AKR1C8: variants seen among roughly 807,000 people sequenced by gnomAD.
AKR1C8 encodes aldo-keto reductase family 1 member C8.
At chr10:5,119,716 G>A in the AKR1C8 span, among the ~76,000 whole-genome samples, 11 of 152,140 alleles carry the variant, frequency 7.2e-5, no homozygotes, top group African/African-American at 2.7e-4. Flanking sequence ...TCTCCAAGAT[G>A]CCTAAAAGGA....
chr10:5,141,208 G>C, the AKR1C8 span, among the ~76,000 whole-genome samples: 1 of 152,088 alleles, frequency 6.6e-6, no homozygotes, highest in Non-Finnish European at 1.5e-5. Flanking sequence ...ACAACTTTTT[G>C]TGCATTCATA....
chr10:5,174,813 TTAAA>T, the AKR1C8 span, among the ~76,000 whole-genome samples: 2 of 151,930 alleles, frequency 1.3e-5, no homozygotes, highest in Non-Finnish European at 1.5e-5. Flanking sequence ...AAAGACTGTC[TTAAA>T]TAAAATAAAA....
At chr10:5,139,420 C>A in the AKR1C8 span, among the ~76,000 whole-genome samples, 20 of 152,250 alleles carry the variant, frequency 1.3e-4, no homozygotes, top group African/African-American at 4.8e-4. Flanking sequence ...GCTACAGTAA[C>A]CAAAACAACA....
the AKR1C8 span, among the ~76,000 whole-genome samples, chr10:5,176,262 A>C: frequency 8.2e-6 from 1 of 122,668 alleles, no homozygotes; most frequent in Non-Finnish European, 1.9e-5. Flanking sequence ...TGTTTTTCTC[A>C]GGTTTGTCAA....
the AKR1C8 span, among the ~76,000 whole-genome samples, chr10:5,174,723 A>T: frequency 1.3e-5 from 2 of 152,052 alleles, no homozygotes; most frequent in East Asian, 3.8e-4. Context: ...ATTTACATAC[A>T]AACTATGTAA....
At chr10:5,130,237 C>T in the AKR1C8 span, among the ~76,000 whole-genome samples, 1 of 151,732 alleles carries the variant, frequency 6.6e-6, no homozygotes, top group African/African-American at 2.4e-5. Flanking sequence ...ATGATTAAAA[C>T]CCTCAACAAA....
chr10:5,143,558 T>A, the AKR1C8 span, among the ~76,000 whole-genome samples: 9 of 152,170 alleles, frequency 5.9e-5, no homozygotes, highest in African/African-American at 2.2e-4. Context: ...ATAATTGAAA[T>A]GAGGCAATCC....
the AKR1C8 span, chr10:5,163,011 T>A: frequency 1.9e-6 from 1 of 534,024 alleles, no homozygotes; most frequent in Non-Finnish European, 3.9e-6. Flanking sequence ...GCAGCCTGGC[T>A]TTTGGGAGTC....
chr10:5,154,345 C>T, the AKR1C8 span: 70 of 261,660 alleles, frequency 2.7e-4, no homozygotes, highest in South Asian at 2.9e-3. Context: ...AGATGCATTT[C>T]TAATACCCAC....
chr10:5,142,518 G>A, the AKR1C8 span, among the ~76,000 whole-genome samples: 41 of 152,024 alleles, frequency 2.7e-4, no homozygotes, highest in Non-Finnish European at 1.5e-4. Flanking sequence ...TGAAAAATAC[G>A]TTATTCTTTC....
the AKR1C8 span, among the ~76,000 whole-genome samples, chr10:5,179,314 C>G: frequency 6.6e-5 from 10 of 152,368 alleles, no homozygotes; most frequent in Admixed American, 5.9e-4. Flanking sequence ...GGCCCCCACT[C>G]TCTTCTGGCA....
the AKR1C8 span, among the ~76,000 whole-genome samples, chr10:5,129,352 T>TCA: frequency 6.6e-6 from 1 of 151,910 alleles, no homozygotes; most frequent in Non-Finnish European, 1.5e-5. Flanking sequence ...CAACCTAATA[T>TCA]CACACCTCTA....
chr10:5,133,055 C>G, the AKR1C8 span, among the ~76,000 whole-genome samples: 1,265 of 152,162 alleles, frequency 8.3e-3, 14 homozygotes, highest in African/African-American at 0.029. Context: ...TAACAAGACT[C>G]AAATTACAGT....
At chr10:5,146,442 G>C in the AKR1C8 span, among the ~76,000 whole-genome samples, 1 of 152,076 alleles carries the variant, frequency 6.6e-6, no homozygotes, top group African/African-American at 2.4e-5. Context: ...TCAGGTATTT[G>C]AAATAACAGA....
At chr10:5,162,130 G>A in the AKR1C8 span, among the ~76,000 whole-genome samples, 1 of 152,166 alleles carries the variant, frequency 6.6e-6, no homozygotes, top group Non-Finnish European at 1.5e-5. Context: ...TATAAATCAA[G>A]TCCTTGCTGG....
the AKR1C8 span, among the ~76,000 whole-genome samples, chr10:5,149,794 G>T: frequency 6.6e-6 from 1 of 152,044 alleles, no homozygotes; most frequent in African/African-American, 2.4e-5. Flanking sequence ...TTAAACTTAT[G>T]TGAATAACTA....
chr10:5,166,013 A>T, the AKR1C8 span, among the ~76,000 whole-genome samples: 9,018 of 152,192 alleles, frequency 0.059, 363 homozygotes, highest in Non-Finnish European at 0.084. Flanking sequence ...AGAAAAAAGG[A>T]AAAGTGGGAC....
the AKR1C8 span, among the ~76,000 whole-genome samples, chr10:5,133,978 TATA>T: frequency 6.6e-6 from 1 of 152,218 alleles, no homozygotes; most frequent in Non-Finnish European, 1.5e-5. Flanking sequence ...TTAGGAAAGA[TATA>T]ATTTCAGTGA....
chr10:5,162,784 GT>G, the AKR1C8 span: 1 of 419,004 alleles, frequency 2.4e-6, no homozygotes, highest in Non-Finnish European at 5.0e-6. Flanking sequence ...CTTAGACCAT[GT>G]TTTCATTTCA....
Sources: gnomAD v4.1 joint callset for allele counts (sites outside exome capture counted in the v4.1 genomes callset) on GRCh38, gnomAD v4.1.1 for gene constraint, MANE v1.5 for transcripts, NCBI Gene and HGNC (gene_info 2026-07-23, HGNC 2026-07-21) for gene names.